The following NOS1 variants were observed in gnomAD, a reference collection of about 807,000 sequenced individuals.
NOS1 encodes nitric oxide synthase 1.
Under a neutral mutation model 164.5 loss-of-function variants are expected in NOS1, and 51 were observed. The observed-to-expected ratio is 0.31, with a 90% CI of 0.25 to 0.39. The LOEUF (loss-of-function observed/expected upper bound fraction) is 0.39, where lower values mean the gene tolerates loss of function less well. Among genes scored for constraint, NOS1 ranks in the 10% least tolerant of loss-of-function variants. The pLI, the probability that NOS1 is intolerant of heterozygous loss-of-function variation, is 1.00. For missense variants in NOS1, 1,362 were observed against 1,885.6 expected (o/e 0.72, Z 5.14); for synonymous variants, 719 against 745.8 (o/e 0.96, Z 0.59).
rs566492166 is a variant in NOS1, at chr12:117,212,151, G to C, written c.*3158C>G. 356 of 985,226 alleles carry C rather than the reference G, an allele frequency of 3.6e-4. No individual in the cohort carries two copies. The highest frequency in any genetic ancestry group is 4.1e-4 in the Non-Finnish European group (339 of 829,914). The allele number at this position is 985,226 out of a possible 1,614,324, so 61.0% of individuals were successfully genotyped here. A position where few individuals can be genotyped will look rare whatever the true frequency, so the allele number is the denominator to read the frequency against. ...ACTGCCCGGTGCCTTCCACACACTG[G>C]AGAAGCAAGACATGTTATAAGTTAA... On this transcript the variant is annotated 3_prime_UTR_variant, in exon 29 of 29. Transcript: ENST00000317775.
At chr12:117,242,506 T>A in intron 20 of NOS1, 121 bp downstream of exon 20, 1 of 821,162 alleles carries the variant, frequency 1.2e-6, no homozygotes, top group Non-Finnish European at 2.1e-6. Context: ...CAAGGGGGTC[T>A]CTATGGCACT....
intron 15 of NOS1, 60 bp from the exon 16 acceptor site, chr12:117,258,515 G>A (rs1871641791): frequency 1.3e-6 from 2 of 1,546,588 alleles, no homozygotes; most frequent in East Asian, 4.5e-5. Context: ...AATCAGGTCG[G>A]ATACTGAGGG....
intron 2 of NOS1, among the ~76,000 whole-genome samples, chr12:117,313,548 G>A (rs1225108189): frequency 6.6e-6 from 1 of 151,908 alleles, no homozygotes; most frequent in Non-Finnish European, 1.5e-5. Flanking sequence ...CTCTTGCCTC[G>A]GCCTCTCAAA....
At chr12:117,265,986 A>G (rs1464975031) in intron 11 of NOS1, among the ~76,000 whole-genome samples, 4 of 150,432 alleles carry the variant, frequency 2.7e-5, no homozygotes, top group Admixed American at 2.7e-4. Context: ...TTTTTAGTAG[A>G]GACGGGGTTT....
rs1234858396 is a variant in NOS1 at position 117,234,290 on chromosome 12, AGTCC to A, written c.3235+271_3235+274del. Among the ~76,000 whole-genome samples the A allele has an allele frequency of 2.0e-5, 3 of 152,222 alleles. No homozygotes were observed. The highest frequency in any genetic ancestry group is 4.4e-5 in the Non-Finnish European group (3 of 68,032). On this transcript the variant is annotated intron_variant, in intron 21 of 28. Transcript: ENST00000317775. This position sits in a 1 kb window ranked among gnomAD's most constrained non-coding sequence, Gnocchi z 4.3. ...AAGTGAAAAGAATGGCTACTGCTAA[AGTCC>A]GTGTCTAGTCAATGAAGGAAGGTAG...
intron 1 of NOS1, among the ~76,000 whole-genome samples, chr12:117,360,271 G>C (rs1877072348): frequency 6.6e-6 from 1 of 152,056 alleles, no homozygotes; most frequent in African/African-American, 2.4e-5. Flanking sequence ...GGGGGTGGGG[G>C]CGAGCGTCTG....
At chr12:117,271,566 G>A (rs1253292855) in intron 10 of NOS1, among the ~76,000 whole-genome samples, 2 of 152,162 alleles carry the variant, frequency 1.3e-5, no homozygotes, top group African/African-American at 4.8e-5. Flanking sequence ...GAGCCACCGC[G>A]CCCAGCCAAC....
rs919925117 is a variant in NOS1 at position 117,212,766 on chromosome 12, C to A, written c.*2543G>T. The A allele has an allele frequency of 1.0e-6, 1 of 985,342 alleles. No homozygotes were observed. Among genetic ancestry groups the A allele is most frequent in the Admixed American group, 6.2e-5 (1 of 16,256 alleles). The allele number at this position is 985,342 out of a possible 1,614,324, so 61.0% of individuals were successfully genotyped here. ...ACGAGGCCTGGATGAAAAGCCACCA[C>A]GAGAGGGCAGTATTTCCCCACCCTT... On this transcript the variant is annotated 3_prime_UTR_variant, in exon 29 of 29. Transcript: ENST00000317775.
At chr12:117,254,678 G>A (rs1199580641) in intron 16 of NOS1, among the ~76,000 whole-genome samples, 1 of 152,188 alleles carries the variant, frequency 6.6e-6, no homozygotes, top group Non-Finnish European at 1.5e-5. Context: ...CTCCCTAGGT[G>A]ATTCTGATGT....
intron 1 of NOS1, among the ~76,000 whole-genome samples, chr12:117,347,498 C>T (rs1348119677): frequency 1.3e-5 from 2 of 152,180 alleles, no homozygotes; most frequent in East Asian, 3.9e-4. Flanking sequence ...CTGCAAAACC[C>T]TGTGGCCCCC....
intron 7 of NOS1, among the ~76,000 whole-genome samples, chr12:117,281,435 G>A (rs186118449): frequency 2.1e-5 from 3 of 145,844 alleles, no homozygotes; most frequent in East Asian, 4.1e-4. Context: ...CAGAAGAATC[G>A]CTTGAACCTG....
At position 117,234,659 on chromosome 12, in the gene NOS1, G is replaced by T. The variant is rs1278330955; in HGVS notation, c.3141C>A (p.Asp1047Glu). The change falls in exon 21 of 29, where the codon GAC becomes GAA. Residue 1047 changes from aspartate (D) to glutamate (E), a missense_variant. Asp to Glu is a conservative substitution (Grantham distance 45, BLOSUM62 2). This residue lies in a region of NOS1 where 737 missense variants were observed against 1,030.3 expected (regional missense o/e 0.72). Transcript: ENST00000317775. This position sits in a 1 kb window ranked among gnomAD's most constrained non-coding sequence, Gnocchi z 4.3. ...HLGVFPGNHE[D>E]LVNALIERLE... ...GCCGCTCGATCAGGGCATTCACGAG[G>T]TCCTCGTGGTTGCCAGGGAAGACAC... is the stretch of plus-strand genomic sequence containing the variant. 6.2e-7 allele frequency: 1 copy of T among 1,614,190 alleles called. No homozygotes were observed. Among genetic ancestry groups the T allele is most frequent in the Non-Finnish European group, 8.5e-7 (1 of 1,180,020 alleles).
Position 117,214,664 on chromosome 12 carries a change from G to A in NOS1, c.*645C>T, listed in dbSNP as rs1956575334. 1.0e-6 allele frequency: 1 copy of A among 985,262 alleles called. No individual in the cohort carries two copies. Among genetic ancestry groups the A allele is most frequent in the South Asian group, 4.7e-5 (1 of 21,276 alleles). The allele number at this position is 985,262 out of a possible 1,614,324, so 61.0% of individuals were successfully genotyped here. ...CCCTTTCTAACTAGAACAATTATGGGGCTTCCAAATGTTTCAGGTACATGG... is the reference window on the plus strand; with the variant it reads ...CCCTTTCTAACTAGAACAATTATGGAGCTTCCAAATGTTTCAGGTACATGG... On this transcript the variant is annotated 3_prime_UTR_variant, in exon 29 of 29. Coordinates refer to ENST00000317775, the MANE Select transcript of NOS1 (RefSeq NM_000620.5).
intron 16 of NOS1, among the ~76,000 whole-genome samples, chr12:117,256,884 A>C (rs2135973896): frequency 6.6e-6 from 1 of 151,790 alleles, no homozygotes; most frequent in East Asian, 2.0e-4. Flanking sequence ...CCAGCCTGGC[A>C]AACATGGTGA....
At chr12:117,291,544 T>C (rs1289405347) in intron 3 of NOS1, among the ~76,000 whole-genome samples, 1 of 147,784 alleles carries the variant, frequency 6.8e-6, no homozygotes, top group Non-Finnish European at 1.5e-5. Flanking sequence ...TTTTTTTTTT[T>C]TTTTTTTGAG....
chr12:117,295,527 C>A (rs550467773), intron 3 of NOS1, among the ~76,000 whole-genome samples: 1 of 151,920 alleles, frequency 6.6e-6, no homozygotes, highest in African/African-American at 2.4e-5. Flanking sequence ...TTTGTGGATG[C>A]CTGATGTAAA....
At chr12:117,292,588 C>A (rs1314904197) in intron 3 of NOS1, among the ~76,000 whole-genome samples, 2 of 152,180 alleles carry the variant, frequency 1.3e-5, no homozygotes, top group Non-Finnish European at 2.9e-5. Context: ...TTATTATCTC[C>A]ATTTTACAGA....
chr12:117,347,027 C>G (rs996520757), intron 1 of NOS1, among the ~76,000 whole-genome samples: 2 of 152,114 alleles, frequency 1.3e-5, no homozygotes, highest in African/African-American at 4.8e-5. Flanking sequence ...TGGCTCACAC[C>G]TGTAATCCCA....
At chr12:117,263,567 AG>A (rs1480680255) in intron 13 of NOS1, among the ~76,000 whole-genome samples, 1 of 143,608 alleles carries the variant, frequency 7.0e-6, no homozygotes, top group Non-Finnish European at 1.5e-5. Flanking sequence ...ATGAAAATCA[AG>A]GTATTACTAT....
Sources: gnomAD v4.1 joint callset for allele counts (sites outside exome capture counted in the v4.1 genomes callset) on GRCh38, gnomAD v4.1.1 for gene constraint, gnomAD v4.1.1 regional missense constraint, Gnocchi (gnomAD v3.1) non-coding constraint, MANE v1.5 for transcripts, NCBI Gene and HGNC (gene_info 2026-07-23, HGNC 2026-07-21) for gene names.